TECRL: variants seen among roughly 807,000 people sequenced by gnomAD.
The protein encoded by TECRL is trans-2,3-enoyl-CoA reductase like.
In TECRL, 63 loss-of-function variants were observed where a neutral mutation model predicts 52.8. That is an observed-to-expected ratio of 1.19 (90% CI 0.97 to 1.47). The LOEUF (loss-of-function observed/expected upper bound fraction) is 1.47. Ranked by LOEUF, TECRL falls within the 40% of genes most tolerant of loss-of-function variation. The pLI is 0.00. For missense variants in TECRL, 482 were observed against 429.6 expected (o/e 1.12, Z -1.08); for synonymous variants, 164 against 141.9 (o/e 1.16, Z -1.10).
chr4:64,286,200 A>G (rs1723073152), intron 9 of TECRL, among the ~76,000 whole-genome samples: 1 of 152,060 alleles, frequency 6.6e-6, no homozygotes. Context: ...TGTATCCTTA[A>G]GAAATCCCAA....
chr4:64,288,225 T>G (rs1380533453), intron 9 of TECRL, among the ~76,000 whole-genome samples: 1 of 151,862 alleles, frequency 6.6e-6, no homozygotes, highest in Non-Finnish European at 1.5e-5. Flanking sequence ...AACAAGACAT[T>G]TGGCCCAAGA....
chr4:64,357,558 TG>T (rs1350379388), intron 2 of TECRL, among the ~76,000 whole-genome samples: 2 of 151,232 alleles, frequency 1.3e-5, no homozygotes, highest in Admixed American at 6.6e-5. Flanking sequence ...ATCTGAAAGC[TG>T]TCACACAAAT....
intron 6 of TECRL, among the ~76,000 whole-genome samples, chr4:64,309,335 T>C (rs1724529075): frequency 6.6e-6 from 1 of 152,216 alleles, no homozygotes; most frequent in South Asian, 2.1e-4. Flanking sequence ...TACTTTCCCA[T>C]GTCAATATTT....
intron 2 of TECRL, among the ~76,000 whole-genome samples, chr4:64,345,347 T>C (rs1235094976): frequency 6.6e-6 from 1 of 152,042 alleles, no homozygotes; most frequent in East Asian, 1.9e-4. Context: ...GTGGCACATA[T>C]ACACCATGGA....
At chr4:64,342,053 G>A (rs1310855175) in intron 2 of TECRL, among the ~76,000 whole-genome samples, 3 of 152,072 alleles carry the variant, frequency 2.0e-5, no homozygotes, top group Non-Finnish European at 4.4e-5. Context: ...GAGCCCAGCA[G>A]GCCCAAGGAA....
chr4:64,375,149 T>G, intron 2 of TECRL, 23 bp downstream of exon 2: 3 of 1,191,698 alleles, frequency 2.5e-6, no homozygotes, highest in Non-Finnish European at 3.4e-6. Context: ...TGATGTAAAT[T>G]CTAAATAATA....
intron 2 of TECRL, among the ~76,000 whole-genome samples, chr4:64,333,589 A>G (rs144308845): frequency 2.0e-4 from 30 of 152,350 alleles, no homozygotes; most frequent in African/African-American, 6.3e-4. Context: ...AAATATATAC[A>G]ACCATAATGT....
At chr4:64,374,054 T>TATATATATATGTATATAGTAGATAC (rs1722183314) in intron 2 of TECRL, among the ~76,000 whole-genome samples, 2 of 21,660 alleles carry the variant, frequency 9.2e-5, no homozygotes, top group Non-Finnish European at 2.4e-4. Context: ...AGTAGATACA[T>TATATATATATGTATATAGTAGATAC]ATATATATAT....
chr4:64,314,912 C>T (rs2110012880), intron 4 of TECRL, 149 bp from the exon 5 acceptor site: 2 of 642,464 alleles, frequency 3.1e-6, no homozygotes, highest in East Asian at 5.7e-5. Context: ...TAACGACTTC[C>T]TTGGAAGAAC....
chr4:64,345,597 GT>G (rs1176381900), intron 2 of TECRL, among the ~76,000 whole-genome samples: 1 of 151,068 alleles, frequency 6.6e-6, no homozygotes, highest in Non-Finnish European at 1.5e-5. Context: ...TATACCTAAT[GT>G]TAAATGATGA....
chr4:64,320,916 A>G (rs1717854495), intron 4 of TECRL, among the ~76,000 whole-genome samples: 1 of 152,090 alleles, frequency 6.6e-6, no homozygotes, highest in Admixed American at 6.6e-5. Flanking sequence ...TCTAAACTCA[A>G]TCTTTAGTGG....
At chr4:64,299,143 T>C (rs1286950697) in intron 8 of TECRL, 1 of 150,924 alleles carries the variant, frequency 6.6e-6, no homozygotes, top group Non-Finnish European at 1.5e-5. Flanking sequence ...GCCAACACAG[T>C]GGAGGACGTT....
intron 1 of TECRL, among the ~76,000 whole-genome samples, chr4:64,395,578 G>A (rs956736425): frequency 3.3e-5 from 5 of 152,182 alleles, no homozygotes; most frequent in Middle Eastern, 3.4e-3. Context: ...TCTAAAATAA[G>A]CATCAAACAA....
intron 1 of TECRL, among the ~76,000 whole-genome samples, chr4:64,392,583 G>T (rs1339778555): frequency 2.0e-5 from 3 of 151,850 alleles, no homozygotes; most frequent in Non-Finnish European, 2.9e-5. Context: ...TAATTTTAAG[G>T]CTTATAAAGT....
chr4:64,304,423 G>C (rs1410707539), intron 7 of TECRL, among the ~76,000 whole-genome samples: 2 of 151,920 alleles, frequency 1.3e-5, no homozygotes, highest in East Asian at 1.9e-4. Context: ...AATAAAGGAA[G>C]TTTAAGTTAT....
intron 8 of TECRL, among the ~76,000 whole-genome samples, chr4:64,294,837 T>C (rs1338391297): frequency 6.6e-6 from 1 of 151,998 alleles, no homozygotes; most frequent in Non-Finnish European, 1.5e-5. Context: ...ATAAGGACAA[T>C]TGTAGCTAAA....
chr4:64,314,625 G>T (rs1269532284), intron 5 of TECRL, 23 bp downstream of exon 5: 4 of 1,077,110 alleles, frequency 3.7e-6, no homozygotes, highest in Admixed American at 1.8e-5. Context: ...GTGTGTGTGT[G>T]TGTGTGTGTG....
At chr4:64,348,630 TG>T (rs1446396445) in intron 2 of TECRL, among the ~76,000 whole-genome samples, 1 of 152,196 alleles carries the variant, frequency 6.6e-6, no homozygotes, top group Non-Finnish European at 1.5e-5. Context: ...GACATCAAAG[TG>T]GTCTGTACCC....
intron 1 of TECRL, among the ~76,000 whole-genome samples, chr4:64,380,770 C>T (rs890269705): frequency 1.3e-5 from 2 of 151,892 alleles, no homozygotes; most frequent in African/African-American, 4.8e-5. Context: ...ATTCTTGTAC[C>T]AATGCAATGC....
Sources: gnomAD v4.1 joint callset for allele counts (sites outside exome capture counted in the v4.1 genomes callset) on GRCh38, gnomAD v4.1.1 for gene constraint, MANE v1.5 for transcripts, NCBI Gene and HGNC (gene_info 2026-07-23, HGNC 2026-07-21) for gene names.